Variants in SDK1 observed in about 807,000 individuals in gnomAD.
SDK1 encodes sidekick cell adhesion molecule 1.
In SDK1, 157 loss-of-function variants were observed where a neutral mutation model predicts 245.5. The observed-to-expected ratio is 0.64, with a 90% CI of 0.56 to 0.73. The LOEUF (loss-of-function observed/expected upper bound fraction) is 0.73, where lower values mean the gene tolerates loss of function less well. SDK1 is among the 30% of genes least tolerant of loss of function. The probability of loss-of-function intolerance (pLI) is 0.00; values close to 1 mark genes in which losing one functional copy is unlikely to be tolerated. For synonymous variants in SDK1, 1,647 were observed against 1,278.5 expected (o/e 1.29, Z -6.15); for missense variants, 3,583 against 3,002.3 (o/e 1.19, Z -4.52).
At chr7:3,820,269 C>T (rs1779611732) in intron 4 of SDK1, among the ~76,000 whole-genome samples, 4 of 152,204 alleles carry the variant, frequency 2.6e-5, no homozygotes, top group Admixed American at 2.6e-4. Flanking sequence ...TCTGCCTCGG[C>T]CTCTGTAGTA....
chr7:3,610,302 C>T (rs1305374611), intron 1 of SDK1, among the ~76,000 whole-genome samples: 1 of 152,164 alleles, frequency 6.6e-6, no homozygotes, highest in Non-Finnish European at 1.5e-5. Context: ...TTGGACCTTT[C>T]AGTTTTTTAT....
In SDK1 at chr7:4,079,723, G is replaced by C. The variant is rs1234998073; in HGVS notation, c.3324+139G>C. 18 of 1,178,152 alleles carry C rather than the reference G, an allele frequency of 1.5e-5. No individual in the cohort carries two copies. The East Asian group carries it at 4.3e-4, about 28-fold the overall frequency. 73.0% of individuals were successfully genotyped at this position (1,178,152 alleles called of 1,614,324 possible). A position where few individuals can be genotyped will look rare whatever the true frequency, so the allele number is the denominator to read the frequency against. ...TGGAGAGGGAGAACCAGGGGCTGGA[G>C]ATAGCCCAGATACCAGGGCAGAATG... is the stretch of plus-strand genomic sequence containing the variant. On this transcript the variant is annotated intron_variant, in intron 22 of 44. Coordinates refer to ENST00000404826, the MANE Select transcript of SDK1 (RefSeq NM_152744.4).
rs564387716 is a variant in SDK1 at position 4,033,668 on chromosome 7, T to C, written c.2603-15680T>C. 4.6e-5 allele frequency among the ~76,000 whole-genome samples: 7 copies of C among 152,234 alleles called. No homozygotes were observed. In the South Asian group the frequency reaches 6.2e-4, roughly 14 times the overall value. ...TGGGCAAGCTCTATGAAACAAGAGT[T>C]CACAGAAGTGCAAATGGCCCATAAC... On this transcript the variant is annotated intron_variant, in intron 17 of 44. Coordinates refer to ENST00000404826, the MANE Select transcript of SDK1 (RefSeq NM_152744.4).
chr7:3,386,685 C>G (rs989074465), intron 1 of SDK1, among the ~76,000 whole-genome samples: 5 of 152,180 alleles, frequency 3.3e-5, no homozygotes, highest in African/African-American at 9.7e-5. Flanking sequence ...CCCAGATTTT[C>G]CAGTTCAGCT....
At chr7:3,471,728 CTT>C (rs957104166) in intron 1 of SDK1, among the ~76,000 whole-genome samples, 2 of 152,132 alleles carry the variant, frequency 1.3e-5, no homozygotes, top group Non-Finnish European at 2.9e-5. Context: ...GAAAATACTG[CTT>C]TTCTTAGCCA....
chr7:3,643,406 A>T (rs1280974510), intron 4 of SDK1: 1 of 148,114 alleles, frequency 6.8e-6, no homozygotes, highest in Non-Finnish European at 1.5e-5. Context: ...CCCTTCCCTA[A>T]AGCTGTTGAT....
At chr7:4,173,287 C>G (rs567398666) in intron 32 of SDK1, among the ~76,000 whole-genome samples, 1 of 152,360 alleles carries the variant, frequency 6.6e-6, no homozygotes, top group East Asian at 1.9e-4. Flanking sequence ...GCAGAAGTCA[C>G]TGAGGCTTTC....
intron 4 of SDK1, among the ~76,000 whole-genome samples, chr7:3,800,168 C>T (rs888782315): frequency 1.3e-5 from 2 of 152,110 alleles, no homozygotes; most frequent in Non-Finnish European, 2.9e-5. Context: ...AGCTTCCAGC[C>T]TGTGTGTCTA....
chr7:3,607,734 G>C (rs1781466956), intron 1 of SDK1, among the ~76,000 whole-genome samples: 1 of 152,216 alleles, frequency 6.6e-6, no homozygotes, highest in Admixed American at 6.5e-5. Flanking sequence ...ATGTGTTGTG[G>C]ATGAAGTTCA....
At chr7:3,617,598 A>G (rs1008128523) in intron 1 of SDK1, among the ~76,000 whole-genome samples, 1 of 152,242 alleles carries the variant, frequency 6.6e-6, no homozygotes, top group African/African-American at 2.4e-5. Flanking sequence ...GGACAGTTCA[A>G]CAACATGGCA....
chr7:3,533,668 C>G (rs993999420), intron 1 of SDK1, among the ~76,000 whole-genome samples: 2 of 152,062 alleles, frequency 1.3e-5, no homozygotes, highest in African/African-American at 4.8e-5. Flanking sequence ...ACTTTCTTCT[C>G]TTTTTGTCTT....
At chr7:3,777,562 C>T (rs562716917) in intron 4 of SDK1, among the ~76,000 whole-genome samples, 8 of 152,298 alleles carry the variant, frequency 5.3e-5, no homozygotes, top group African/African-American at 1.7e-4. Context: ...TCCTGATGTG[C>T]CCAGCAGCAG....
intron 1 of SDK1, among the ~76,000 whole-genome samples, chr7:3,508,573 C>T (rs1174850734): frequency 6.6e-6 from 1 of 152,106 alleles, no homozygotes; most frequent in East Asian, 1.9e-4. Context: ...AATGATATAC[C>T]CGCCTGGGCC....
intron 44 of SDK1, among the ~76,000 whole-genome samples, chr7:4,247,294 G>T (rs996435924): frequency 6.6e-6 from 1 of 152,168 alleles, no homozygotes; most frequent in East Asian, 1.9e-4. Context: ...TGGTGAGGCC[G>T]ATTCTGCTTT....
chr7:4,064,915 G>A (rs1391389590), intron 19 of SDK1, among the ~76,000 whole-genome samples: 1 of 152,142 alleles, frequency 6.6e-6, no homozygotes, highest in Non-Finnish European at 1.5e-5. Context: ...TGTCGGTGGA[G>A]CAGGGTGGTG....
In SDK1 at chr7:3,597,691, A is replaced by G. The variant is rs971160414; in HGVS notation, c.299-21389A>G. Among the ~76,000 whole-genome samples the G allele has an allele frequency of 5.3e-5, 8 of 152,264 alleles. No individual in the cohort carries two copies. The East Asian group carries it at 1.2e-3, about 22-fold the overall frequency. On this transcript the variant is annotated intron_variant, in intron 1 of 44. Coordinates refer to ENST00000404826, the MANE Select transcript of SDK1 (RefSeq NM_152744.4). ...GGTTTGGTCTGGTCTGTCGGGGCCT[A>G]GGGGAGAGGGGCTCAGTGCAGTGCA... is the stretch of plus-strand genomic sequence containing the variant.
chr7:3,468,518 A>T (rs1381302165), intron 1 of SDK1, among the ~76,000 whole-genome samples: 1 of 152,192 alleles, frequency 6.6e-6, no homozygotes, highest in Non-Finnish European at 1.5e-5. Context: ...GTATTACTCT[A>T]ACTTTTCCTC....
chr7:3,906,732 A>G (rs1778955611), intron 5 of SDK1, among the ~76,000 whole-genome samples: 2 of 145,408 alleles, frequency 1.4e-5, no homozygotes, highest in Admixed American at 1.5e-4. Context: ...GGTTCAAGCA[A>G]TTATCCTGCC....
At chr7:3,637,513 G>T (rs143218942) in intron 2 of SDK1, among the ~76,000 whole-genome samples, 41 of 152,346 alleles carry the variant, frequency 2.7e-4, no homozygotes, top group African/African-American at 9.6e-4. Flanking sequence ...CAGCTTAGAA[G>T]TTGTGGGCTC....
Sources: gnomAD v4.1 joint callset for allele counts (sites outside exome capture counted in the v4.1 genomes callset) on GRCh38, gnomAD v4.1.1 for gene constraint, MANE v1.5 for transcripts, NCBI Gene and HGNC (gene_info 2026-07-23, HGNC 2026-07-21) for gene names.